MTFR1: variants seen among roughly 807,000 people sequenced by gnomAD.
The protein encoded by MTFR1 is mitochondrial fission regulator 1.
In MTFR1, 28 loss-of-function variants were observed where a neutral mutation model predicts 38.8. The ratio of observed to expected loss-of-function variants is 0.72; its 90% CI spans 0.53 to 0.99. The LOEUF (loss-of-function observed/expected upper bound fraction) is 0.99. Among genes scored for constraint, MTFR1 ranks in the 50% least tolerant of loss-of-function variants. The pLI is 0.00. For synonymous variants in MTFR1, 145 were observed against 137.0 expected (o/e 1.06, Z -0.41); for missense variants, 358 against 395.5 (o/e 0.91, Z 0.81).
chr8:65,665,404 T>C (rs1438768531), intron 1 of MTFR1, among the ~76,000 whole-genome samples: 1 of 152,178 alleles, frequency 6.6e-6, no homozygotes, highest in South Asian at 2.1e-4. Flanking sequence ...AACATTAAGA[T>C]ATATCTGCCT....
At chr8:65,696,100 T>G (rs1018757023) in intron 4 of MTFR1, among the ~76,000 whole-genome samples, 2 of 152,162 alleles carry the variant, frequency 1.3e-5, no homozygotes, top group Non-Finnish European at 2.9e-5. Flanking sequence ...ATAGAAAAAC[T>G]AGCAAGTTTC....
intron 3 of MTFR1, among the ~76,000 whole-genome samples, chr8:65,754,036 C>T (rs540446085): frequency 6.6e-5 from 10 of 152,116 alleles, no homozygotes; most frequent in South Asian, 2.1e-4. Flanking sequence ...TTAACTCACA[C>T]GATCACAAGG....
chr8:65,647,187 C>G (rs951485581), intron 1 of MTFR1, among the ~76,000 whole-genome samples: 1 of 152,116 alleles, frequency 6.6e-6, no homozygotes, highest in Admixed American at 6.5e-5. Flanking sequence ...GTTGGTTGAC[C>G]TGATAAATAT....
At chr8:65,700,851 T>A (rs1245831980) in intron 4 of MTFR1, among the ~76,000 whole-genome samples, 2 of 152,232 alleles carry the variant, frequency 1.3e-5, no homozygotes, top group African/African-American at 4.8e-5. Flanking sequence ...CCTAAAACAG[T>A]TCTGCTAAAT....
At chr8:65,645,140 G>T (rs1044881209) in intron 1 of MTFR1, among the ~76,000 whole-genome samples, 4 of 152,134 alleles carry the variant, frequency 2.6e-5, no homozygotes, top group African/African-American at 9.7e-5. Flanking sequence ...CGCGCCGGCC[G>T]CCAGGCGGCG....
chr8:65,662,042 C>CACGGT (rs1563435698), intron 1 of MTFR1, among the ~76,000 whole-genome samples: 1 of 61,218 alleles, frequency 1.6e-5, no homozygotes, highest in African/African-American at 4.9e-5. Flanking sequence ...CCTCTCTCTC[C>CACGGT]CTCTCTCTCT....
intron 2 of MTFR1, among the ~76,000 whole-genome samples, chr8:65,674,440 G>A (rs186467662): frequency 2.5e-4 from 38 of 151,542 alleles, no homozygotes; most frequent in East Asian, 2.0e-3. Flanking sequence ...AGTGAGACAC[G>A]ATCTCTACAA....
chr8:65,708,109 G>T lies in MTFR1; in HGVS notation c.933+98G>T, dbSNP rs1387399564. On this transcript the variant is annotated intron_variant, in intron 7 of 7. Coordinates refer to ENST00000262146, the MANE Select transcript of MTFR1 (RefSeq NM_014637.4). ...AGTGATTCACCTGTGTCATCTGTAA[G>T]TTCCAAAGGGAGGTGATACAGGATT... 4.9e-5 allele frequency: 79 copies of T among 1,601,850 alleles called. No individual in the cohort carries two copies. The highest frequency in any genetic ancestry group is 6.4e-5 in the Non-Finnish European group (75 of 1,179,460).
intron 1 of MTFR1, among the ~76,000 whole-genome samples, chr8:65,669,028 C>A (rs996115509): frequency 6.6e-6 from 1 of 152,158 alleles, no homozygotes; most frequent in East Asian, 1.9e-4. Flanking sequence ...AGACTTTATT[C>A]ATTGGTTTTG....
chr8:65,710,111 G>GGTTT lies in MTFR1; in HGVS notation c.*1068_*1071dup, dbSNP rs1043345494. ...TTTTAAATGCTTTATAAATCTTCAT[G>GGTTT]GTTTTTCTATTTCTGATACACTCAG... On this transcript the variant is annotated 3_prime_UTR_variant, in exon 8 of 8. Coordinates refer to ENST00000262146, the MANE Select transcript of MTFR1 (RefSeq NM_014637.4). 2.0e-4 allele frequency: 30 copies of GGTTT among 152,130 alleles called. No individual in the cohort carries two copies. The highest frequency in any genetic ancestry group is 7.0e-4 in the African/African-American group (29 of 41,478). 9.4% of individuals were successfully genotyped at this position (152,130 alleles called of 1,614,324 possible).
chr8:65,681,406 C>G (rs1289459219), intron 2 of MTFR1, among the ~76,000 whole-genome samples: 1 of 152,182 alleles, frequency 6.6e-6, no homozygotes, highest in Non-Finnish European at 1.5e-5. Flanking sequence ...AGGCAGGAGC[C>G]GCCGCACCTG....
intron 1 of MTFR1, among the ~76,000 whole-genome samples, chr8:65,662,128 C>T (rs966669142): frequency 6.7e-6 from 1 of 149,446 alleles, no homozygotes; most frequent in Admixed American, 6.8e-5. Context: ...TCTCTTTCCA[C>T]GGTCTCCCTC....
chr8:65,703,188 G>A (rs1158830072), intron 4 of MTFR1, among the ~76,000 whole-genome samples: 1 of 151,676 alleles, frequency 6.6e-6, no homozygotes, highest in African/African-American at 2.4e-5. Context: ...ACCAGCCTGG[G>A]CAACATTGTG....
chr8:65,768,606 G>A lies in MTFR1; in HGVS notation c.*49-2341G>A, dbSNP rs141965513. Reference sequence around the variant, plus strand: ...ATCTTGGAATGTCTTTATCAGCAGCGTAAAAACAGACTAATACAAATTCTT... The same window carrying A: ...ATCTTGGAATGTCTTTATCAGCAGCATAAAAACAGACTAATACAAATTCTT... On this transcript the variant is annotated intron_variant, in intron 3 of 3. Transcript: ENST00000521247. Among the ~76,000 whole-genome samples, 171 of 152,214 alleles carry A rather than the reference G, an allele frequency of 1.1e-3. 1 individual carries two copies. The highest frequency in any genetic ancestry group is 3.6e-3 in the African/African-American group (151 of 41,520).
intron 3 of MTFR1, among the ~76,000 whole-genome samples, chr8:65,763,137 A>G (rs952846789): frequency 2.0e-5 from 3 of 152,116 alleles, no homozygotes; most frequent in African/African-American, 7.2e-5. Context: ...TACAACCAAT[A>G]TTCCCTCCCA....
intron 2 of MTFR1, among the ~76,000 whole-genome samples, chr8:65,677,135 G>A (rs547263613): frequency 1.0e-4 from 14 of 140,692 alleles, no homozygotes; most frequent in Admixed American, 1.5e-4. Flanking sequence ...GTGCAGTGGC[G>A]CGATCTTGCT....
intron 4 of MTFR1, among the ~76,000 whole-genome samples, chr8:65,695,957 A>T (rs1805428412): frequency 6.6e-6 from 1 of 152,012 alleles, no homozygotes; most frequent in Admixed American, 6.6e-5. Flanking sequence ...ACCCTCCCCA[A>T]CCCCAACCCA....
intron 3 of MTFR1, among the ~76,000 whole-genome samples, chr8:65,765,057 A>G (rs565408895): frequency 5.3e-4 from 81 of 152,358 alleles, no homozygotes; most frequent in African/African-American, 1.9e-3. Flanking sequence ...AGAAGCTGCC[A>G]GAGACCAGAA....
At chr8:65,690,853 A>G (rs1805255510) in intron 3 of MTFR1, among the ~76,000 whole-genome samples, 1 of 152,140 alleles carries the variant, frequency 6.6e-6, no homozygotes, top group Admixed American at 6.6e-5. Flanking sequence ...ATTAAATACC[A>G]TCTCTGCTAG....
Sources: gnomAD v4.1 joint callset for allele counts (sites outside exome capture counted in the v4.1 genomes callset) on GRCh38, gnomAD v4.1.1 for gene constraint, MANE v1.5 for transcripts, NCBI Gene and HGNC (gene_info 2026-07-23, HGNC 2026-07-21) for gene names.